PMEL: variants seen among roughly 807,000 people sequenced by gnomAD.
PMEL encodes premelanosome protein.
PMEL carries 53 observed loss-of-function variants against 64.9 expected under a neutral mutation model. The ratio of observed to expected loss-of-function variants is 0.82; its 90% CI spans 0.66 to 1.03. PMEL has a LOEUF of 1.03. Ranked by LOEUF, PMEL falls within the 50% of genes least tolerant of loss-of-function variation. The pLI is 0.00. For synonymous variants in PMEL, 299 were observed against 316.2 expected, an observed-to-expected ratio of 0.95 and a Z score of 0.58; for missense variants, 716 against 814.9, an observed-to-expected ratio of 0.88 and a Z score of 1.48.
In PMEL at chr12:55,955,254, C is replaced by G. The variant is rs1888816292; in HGVS notation, c.1850+20G>C. ...ATAATAAGGGATAAGGGGGTCTGAGCTGTGTGATGAGGCCCTTACCTATAT... is the reference window on the plus strand; with the variant it reads ...ATAATAAGGGATAAGGGGGTCTGAGGTGTGTGATGAGGCCCTTACCTATAT... On this transcript the variant is annotated intron_variant, in intron 10 of 10. Coordinates refer to ENST00000548747, the MANE Select transcript of PMEL (RefSeq NM_001384361.1). 6.6e-7 allele frequency: 1 copy of G among 1,522,724 alleles called. No homozygotes were observed. Among genetic ancestry groups the G allele is most frequent in the Admixed American group, 1.7e-5 (1 of 59,836 alleles). The allele number at this position is 1,522,724 out of a possible 1,614,324, so 94.3% of individuals were successfully genotyped here. A position where few individuals can be genotyped will look rare whatever the true frequency, so the allele number is the denominator to read the frequency against.
intron 3 of PMEL, among the ~76,000 whole-genome samples, chr12:55,960,800 G>A (rs1483022295): frequency 6.7e-6 from 1 of 150,058 alleles, no homozygotes; most frequent in Non-Finnish European, 1.5e-5. Flanking sequence ...GCCCGCCTCG[G>A]CCTCCCGAAG....
rs747350254 is a variant in PMEL at position 55,955,672 on chromosome 12, G to A, written c.1557-3C>T. ...CCATGCAGGCTTCCTTGGGCAGCCT[G>A]GAAGAAGTGTCAGCATATATAAGGG... On this transcript the variant is annotated splice_polypyrimidine_tract_variant and splice_region_variant and intron_variant, in intron 8 of 10. Transcript: ENST00000548747. 1 of 1,612,182 alleles carries A rather than the reference G, an allele frequency of 6.2e-7. No homozygotes were observed. The highest frequency in any genetic ancestry group is 1.3e-5 in the African/African-American group (1 of 74,888).
intron 3 of PMEL, among the ~76,000 whole-genome samples, chr12:55,959,251 G>A (rs1338617093): frequency 1.3e-5 from 2 of 151,700 alleles, no homozygotes; most frequent in Non-Finnish European, 2.9e-5. Context: ...CAGGTGTGGT[G>A]GTATGCACCT....
chr12:55,965,454 T>G (rs1889263269), intron 1 of PMEL, among the ~76,000 whole-genome samples: 1 of 130,376 alleles, frequency 7.7e-6, no homozygotes, highest in Non-Finnish European at 1.6e-5. Context: ...AGCCCTTTCA[T>G]GTGATGCTCA....
chr12:55,960,065 G>A (rs979137421), intron 3 of PMEL, among the ~76,000 whole-genome samples: 2 of 151,552 alleles, frequency 1.3e-5, no homozygotes, highest in African/African-American at 2.4e-5. Context: ...GGTGACATGC[G>A]CCTGTATCAG....
chr12:55,958,695 A>C, intron 3 of PMEL, 88 bp from the exon 4 acceptor site: 1 of 1,335,344 alleles, frequency 7.5e-7, no homozygotes, highest in Non-Finnish European at 1.0e-6. Flanking sequence ...GGTATCAGAG[A>C]GGGGCTCTGG....
At position 55,958,475 on chromosome 12, in the gene PMEL, C is replaced by G. The variant is rs373005120; in HGVS notation, c.467G>C (p.Trp156Ser). 3 of 1,613,636 alleles carry G rather than the reference C, an allele frequency of 1.9e-6. No homozygotes were observed. Among genetic ancestry groups the G allele is most frequent in the African/African-American group, 1.3e-5 (1 of 74,876 alleles). The change falls in exon 4 of 11, where the codon TGG becomes TCG. Residue 156 changes from tryptophan (W) to serine (S), a missense_variant and splice_region_variant. Physicochemically the swap from Trp to Ser is radical, Grantham distance 177. Transcript: ENST00000548747. The part of the protein sequence containing the change: ...KRSFVYVWKT[W>S]GQYWQVLGGP... ...AGGCTGAGAAGGGAGTCCCTCACCC[C>G]AGGTCTTCCAGACATAAACAAAGCT...
intron 1 of PMEL, among the ~76,000 whole-genome samples, chr12:55,963,040 C>T (rs1889165021): frequency 6.6e-6 from 1 of 151,790 alleles, no homozygotes; most frequent in Non-Finnish European, 1.5e-5. Flanking sequence ...ACCTGTAGTT[C>T]CAGCTACTCA....
At chr12:55,959,535 T>C (rs1675671465) in intron 3 of PMEL, among the ~76,000 whole-genome samples, 1 of 152,146 alleles carries the variant, frequency 6.6e-6, no homozygotes, top group Non-Finnish European at 1.5e-5. Flanking sequence ...CCAGGCGCAG[T>C]GGCTCACACC....
At chr12:55,957,703 G>A (rs772875032) in intron 5 of PMEL, 32 bp from the exon 6 acceptor site, 6 of 1,579,782 alleles carry the variant, frequency 3.8e-6, no homozygotes, top group Non-Finnish European at 5.2e-6. Context: ...GTGAGAACCA[G>A]GCCTGAGCCA....
intron 1 of PMEL, among the ~76,000 whole-genome samples, chr12:55,963,556 T>A (rs1889182593): frequency 6.6e-6 from 1 of 152,212 alleles, no homozygotes; most frequent in African/African-American, 2.4e-5. Flanking sequence ...TCAGTCCATA[T>A]AAAATTTCAT....
In PMEL at chr12:55,957,877, C is replaced by T. The variant is rs571424322; in HGVS notation, c.631+46G>A. ...TTTCCAGTCCATCCAAGCCTCCCTG[C>T]CTTCTCTTGCCCTACAACTGGCCTT... On this transcript the variant is annotated intron_variant, in intron 5 of 10. Coordinates refer to ENST00000548747, the MANE Select transcript of PMEL (RefSeq NM_001384361.1). The T allele has an allele frequency of 5.0e-6, 8 of 1,605,864 alleles. No homozygotes were observed. The African/African-American group carries it at 6.7e-5, about 13-fold the overall frequency.
At chr12:55,962,709 C>T (rs1055486739) in intron 1 of PMEL, among the ~76,000 whole-genome samples, 4 of 150,620 alleles carry the variant, frequency 2.7e-5, no homozygotes, top group African/African-American at 7.3e-5. Context: ...TTTTTAGTTT[C>T]GCCATGTTTC....
Position 55,957,052 on chromosome 12 carries a change from C to T in PMEL, c.1251G>A (p.Gln417=), listed in dbSNP as rs1311357503. 6.2e-7 allele frequency: 1 copy of T among 1,614,118 alleles called. No homozygotes were observed. Among genetic ancestry groups the T allele is most frequent in the Non-Finnish European group, 8.5e-7 (1 of 1,180,050 alleles). ...IVVLSGTTAA[Q]VTTTEWVETT... ...TCTCCACCCACTCTGTAGTTGTTAC[C>T]TGTGCAGCTGTGGTTCCAGAAAGCA... The change falls in exon 6 of 11, where the codon CAG becomes CAA. Residue 417 remains glutamine (Q), a synonymous_variant. Transcript: ENST00000548747.
Position 55,955,203 on chromosome 12 carries a change from C to T in PMEL, c.1850+71G>A. On this transcript the variant is annotated intron_variant, in intron 10 of 10. Transcript: ENST00000548747. ...TCCTCAAAGGGAGAGGTGGTTTCTT[C>T]TCCCCTTGAGGAAAAGTGAGTAGTG... 4 of 1,133,300 alleles carry T rather than the reference C, an allele frequency of 3.5e-6. No homozygotes were observed. The South Asian group carries it at 3.7e-5, about 10-fold the overall frequency. 70.2% of individuals were successfully genotyped at this position (1,133,300 alleles called of 1,614,324 possible).
chr12:55,962,775 A>G (rs11171705), intron 1 of PMEL, among the ~76,000 whole-genome samples: 11,255 of 151,040 alleles, frequency 0.075, 471 homozygotes, highest in Middle Eastern at 0.1. Flanking sequence ...AAGTGATCCA[A>G]CCGCTTCGGC....
At chr12:55,960,794 G>A (rs1450400086) in intron 3 of PMEL, among the ~76,000 whole-genome samples, 5 of 149,668 alleles carry the variant, frequency 3.3e-5, no homozygotes, top group African/African-American at 9.8e-5. Flanking sequence ...TGATCCGCCC[G>A]CCTCGGCCTC....
rs567629874 is a variant in PMEL, at chr12:55,956,128, G to A, written c.1446C>T (p.Ser482=). Reference sequence around the variant, plus strand: ...GGACAATGTCCAGGGTGACGGAAAAGGAACCATATCGATACAGAACACAAT... The same window carrying A: ...GGACAATGTCCAGGGTGACGGAAAAAGAACCATATCGATACAGAACACAAT... ...PLDCVLYRYG[S]FSVTLDIVQG... The change falls in exon 7 of 11, where the codon TCC becomes TCT. Residue 482 remains serine, a synonymous_variant. Transcript: ENST00000548747. The A allele has an allele frequency of 1.2e-6, 2 of 1,613,302 alleles. No homozygotes were observed. Among genetic ancestry groups the A allele is most frequent in the Non-Finnish European group, 1.7e-6 (2 of 1,179,336 alleles).
chr12:55,962,023 A>G (rs1889120632), intron 1 of PMEL, among the ~76,000 whole-genome samples: 1 of 151,850 alleles, frequency 6.6e-6, no homozygotes, highest in African/African-American at 2.4e-5. Flanking sequence ...TTTAGTAGAG[A>G]TGGGGTTTCT....
Sources: gnomAD v4.1 joint callset for allele counts (sites outside exome capture counted in the v4.1 genomes callset) on GRCh38, gnomAD v4.1.1 for gene constraint, MANE v1.5 for transcripts, NCBI Gene and HGNC (gene_info 2026-07-23, HGNC 2026-07-21) for gene names.